Variants in SPIRE1 observed in about 807,000 individuals in gnomAD.
SPIRE1 encodes protein spire homolog 1.
Under a neutral mutation model 94.1 loss-of-function variants are expected in SPIRE1, and 40 were observed. The ratio of observed to expected loss-of-function variants is 0.43; its 90% CI spans 0.33 to 0.55. The LOEUF is 0.55. Among genes scored for constraint, SPIRE1 ranks in the 20% least tolerant of loss-of-function variants. SPIRE1 has a pLI of 0.06. For missense variants in SPIRE1, 838 were observed against 975.2 expected (o/e 0.86, Z 1.87); for synonymous variants, 376 against 371.7 (o/e 1.01, Z -0.13).
chr18:12,633,192 C>T (rs550191387), intron 2 of SPIRE1, among the ~76,000 whole-genome samples: 4 of 152,216 alleles, frequency 2.6e-5, no homozygotes, highest in Non-Finnish European at 4.4e-5. Flanking sequence ...AAATCCCACC[C>T]CTTTGTGTCA....
chr18:12,607,799 G>GTGT (rs934850962), intron 2 of SPIRE1, among the ~76,000 whole-genome samples: 1 of 152,158 alleles, frequency 6.6e-6, no homozygotes, highest in African/African-American at 2.4e-5. Context: ...ACAAAGAAAT[G>GTGT]TGTTGAGGTG....
intron 1 of SPIRE1, among the ~76,000 whole-genome samples, chr18:12,642,461 T>C (rs1598575500): frequency 6.6e-6 from 1 of 152,124 alleles, no homozygotes; most frequent in East Asian, 1.9e-4. Flanking sequence ...TCCCAGGGAC[T>C]AGAGTCTCCC....
At chr18:12,561,720 T>C (rs555225256) in intron 2 of SPIRE1, among the ~76,000 whole-genome samples, 1 of 152,342 alleles carries the variant, frequency 6.6e-6, no homozygotes, top group Admixed American at 6.5e-5. Context: ...ATTAAAGACA[T>C]CCCATATATT....
intron 4 of SPIRE1, among the ~76,000 whole-genome samples, chr18:12,533,675 T>C (rs1397310053): frequency 1.3e-5 from 2 of 152,154 alleles, no homozygotes; most frequent in African/African-American, 4.8e-5. Context: ...AAATTTGCTT[T>C]CTAAATAAAT....
intron 2 of SPIRE1, among the ~76,000 whole-genome samples, chr18:12,569,340 CAAAA>C (rs11344272): frequency 4.4e-5 from 5 of 114,392 alleles, no homozygotes; most frequent in Non-Finnish European, 3.8e-5. Context: ...GACTCCGTCT[CAAAA>C]AAAAAAAAAA....
At chr18:12,637,004 G>A (rs1327652553) in intron 1 of SPIRE1, among the ~76,000 whole-genome samples, 1 of 152,178 alleles carries the variant, frequency 6.6e-6, no homozygotes, top group Non-Finnish European at 1.5e-5. Flanking sequence ...ATGGGGGGAA[G>A]AGAGAGAGGG....
At chr18:12,469,779 G>A (rs1183212316) in intron 10 of SPIRE1, among the ~76,000 whole-genome samples, 2 of 142,772 alleles carry the variant, frequency 1.4e-5, no homozygotes, top group Non-Finnish European at 3.0e-5. Context: ...TACACTTTAC[G>A]AGGTCTCATG....
At chr18:12,489,713 TA>T (rs2033165068) in intron 8 of SPIRE1, among the ~76,000 whole-genome samples, 1 of 152,212 alleles carries the variant, frequency 6.6e-6, no homozygotes, top group African/African-American at 2.4e-5. Context: ...TTATAAATCG[TA>T]TTTGGAGTCA....
At chr18:12,596,667 T>G (rs1331017015) in intron 2 of SPIRE1, among the ~76,000 whole-genome samples, 1 of 152,172 alleles carries the variant, frequency 6.6e-6, no homozygotes, top group African/African-American at 2.4e-5. Flanking sequence ...TTGGATCTAA[T>G]TTTTTAAAAT....
At chr18:12,490,644 C>T (rs1332065159) in intron 8 of SPIRE1, among the ~76,000 whole-genome samples, 1 of 152,022 alleles carries the variant, frequency 6.6e-6, no homozygotes, top group Non-Finnish European at 1.5e-5. Flanking sequence ...ACATGAAAAT[C>T]AATTAACATG....
chr18:12,473,732 A>G (rs1245444730), intron 10 of SPIRE1, among the ~76,000 whole-genome samples: 4 of 152,258 alleles, frequency 2.6e-5, no homozygotes, highest in African/African-American at 4.8e-5. Context: ...ACAATAATAT[A>G]TTAACTGATT....
At chr18:12,629,658 C>T (rs2037723657) in intron 2 of SPIRE1, among the ~76,000 whole-genome samples, 2 of 151,572 alleles carry the variant, frequency 1.3e-5, no homozygotes, top group Admixed American at 6.6e-5. Context: ...GCATGGGGGA[C>T]GTTAAAGGGG....
chr18:12,603,574 A>ATTT (rs71174104), intron 2 of SPIRE1, among the ~76,000 whole-genome samples: 2 of 138,376 alleles, frequency 1.4e-5, no homozygotes, highest in Non-Finnish European at 1.6e-5. Context: ...CCAGTAGCCA[A>ATTT]TTTTTTTTTT....
intron 1 of SPIRE1, among the ~76,000 whole-genome samples, chr18:12,641,674 T>G (rs1470647934): frequency 6.6e-6 from 1 of 152,016 alleles, no homozygotes; most frequent in Non-Finnish European, 1.5e-5. Flanking sequence ...GCCTCATACA[T>G]GAATTTCTAA....
intron 8 of SPIRE1, 52 bp downstream of exon 8, chr18:12,493,020 T>A (rs2033296764): frequency 1.9e-6 from 3 of 1,542,750 alleles, no homozygotes; most frequent in Non-Finnish European, 2.6e-6. Context: ...TGTATAAAGA[T>A]CCTTTTCCCA....
At chr18:12,512,560 C>T (rs550613) in intron 4 of SPIRE1, 29 bp from the exon 5 acceptor site, 1 of 1,415,736 alleles carries the variant, frequency 7.1e-7, no homozygotes, top group Non-Finnish European at 9.9e-7. Context: ...CAGGCATAAA[C>T]ATTTCATTAA....
Position 12,496,081 on chromosome 18 carries a change from G to T in SPIRE1, c.994C>A (p.Arg332=). The T allele has an allele frequency of 3.1e-6, 5 of 1,613,220 alleles. No individual in the cohort carries two copies. The highest frequency in any genetic ancestry group is 4.2e-6 in the Non-Finnish European group (5 of 1,179,286). ...KVMVNGDIPP[R]LKKSAHEIIL... is the part of the protein sequence containing the mutation. ...ATTTCATGAGCACTCTTTTTTAACC[G>T]AGGGGGAATATCACCATTCACCTAA... The change falls in exon 7 of 17, where the codon CGG becomes AGG. Residue 332 remains arginine, a synonymous_variant. Coordinates refer to ENST00000409402, the MANE Select transcript of SPIRE1 (RefSeq NM_001128626.2).
intron 4 of SPIRE1, among the ~76,000 whole-genome samples, chr18:12,525,058 T>C (rs1219915444): frequency 2.0e-5 from 3 of 151,178 alleles, no homozygotes; most frequent in Non-Finnish European, 4.4e-5. Context: ...AGGCAGATCA[T>C]GAGGTCAGGA....
chr18:12,506,062 A>G (rs1181170488), intron 6 of SPIRE1, among the ~76,000 whole-genome samples: 1 of 152,210 alleles, frequency 6.6e-6, no homozygotes, highest in Non-Finnish European at 1.5e-5. Flanking sequence ...ATCAAGTATT[A>G]CTTGTATAAA....
Sources: gnomAD v4.1 joint callset for allele counts (sites outside exome capture counted in the v4.1 genomes callset) on GRCh38, gnomAD v4.1.1 for gene constraint, MANE v1.5 for transcripts, NCBI Gene and HGNC (gene_info 2026-07-23, HGNC 2026-07-21) for gene names.